PHIP: variants seen among roughly 807,000 people sequenced by gnomAD.
PHIP encodes the protein PHIP subunit of CUL4-Ring ligase complex.
Under a neutral mutation model 236.8 loss-of-function variants are expected in PHIP, and 54 were observed. The observed-to-expected ratio is 0.23, with a 90% CI of 0.18 to 0.29. The LOEUF is 0.29. Among genes scored for constraint, PHIP ranks in the 10% least tolerant of loss-of-function variants. The pLI is 1.00. For missense variants in PHIP, 1,370 were observed against 2,190.8 expected (o/e 0.63, Z 7.48); for synonymous variants, 756 against 718.9 (o/e 1.05, Z -0.83).
chr6:79,060,424 T>G, intron 6 of PHIP, 54 bp downstream of exon 6: 1 of 1,245,994 alleles, frequency 8.0e-7, no homozygotes, highest in Non-Finnish European at 1.1e-6. Context: ...CTTTTCATTT[T>G]CAAAAGCTCT....
intron 15 of PHIP, among the ~76,000 whole-genome samples, chr6:79,005,083 C>A (rs1042464016): frequency 6.6e-6 from 1 of 151,444 alleles, no homozygotes; most frequent in African/African-American, 2.4e-5. Context: ...TGGATGGTTA[C>A]AATAATAGAA....
At chr6:78,954,388 G>A (rs1055847784) in intron 35 of PHIP, among the ~76,000 whole-genome samples, 6 of 152,066 alleles carry the variant, frequency 3.9e-5, no homozygotes, top group Admixed American at 1.3e-4. Flanking sequence ...TTACTGGCAT[G>A]AGCCACCGTG....
At chr6:78,945,935 T>C (rs1385130662) in intron 38 of PHIP, 66 bp downstream of exon 38, 22 of 1,158,596 alleles carry the variant, frequency 1.9e-5, no homozygotes, top group African/African-American at 3.1e-5. Context: ...ATATTGCATT[T>C]GGCAAAGTAA....
intron 8 of PHIP, 59 bp from the exon 9 acceptor site, chr6:79,025,678 C>T (rs1771364226): frequency 1.8e-6 from 2 of 1,103,294 alleles, no homozygotes; most frequent in African/African-American, 3.1e-5. Context: ...AAAATAAAAT[C>T]TACTTTTTGC....
In PHIP at chr6:78,955,674, G is replaced by T; in HGVS notation, c.3791C>A (p.Thr1264Asn). 1 of 1,047,620 alleles carries T rather than the reference G, an allele frequency of 9.5e-7. No homozygotes were observed. Among genetic ancestry groups the T allele is most frequent in the Non-Finnish European group, 1.5e-6 (1 of 687,428 alleles). 64.9% of individuals were successfully genotyped at this position (1,047,620 alleles called of 1,614,324 possible). The change falls in exon 33 of 40, where the codon ACT becomes AAT. Residue 1264 changes from threonine (T) to asparagine (N), a missense_variant. Physicochemically the swap from Thr to Asn is moderately conservative, Grantham distance 65. This residue lies in a region of PHIP where 38 missense variants were observed against 27.6 expected (regional missense o/e 1.38). Coordinates refer to ENST00000275034, the MANE Select transcript of PHIP (RefSeq NM_017934.7). ...DLLLHFIKDQTCYNIIPLYNS... is the reference protein window; with the variant it reads ...DLLLHFIKDQNCYNIIPLYNS... Reference sequence around the variant, plus strand: ...ATAAAGTGGAATTATGTTATAACAAGTCTGATCCCTACATAACAAGGAAAT... The same window carrying T: ...ATAAAGTGGAATTATGTTATAACAATTCTGATCCCTACATAACAAGGAAAT...
chr6:79,078,201 G>A lies in PHIP; in HGVS notation c.-133C>T. 8.7e-6 allele frequency: 7 copies of A among 804,216 alleles called. No homozygotes were observed. The highest frequency in any genetic ancestry group is 1.4e-5 in the Non-Finnish European group (7 of 502,702). 49.8% of individuals were successfully genotyped at this position (804,216 alleles called of 1,614,324 possible). A position where few individuals can be genotyped will look rare whatever the true frequency, so the allele number is the denominator to read the frequency against. On this transcript the variant is annotated 5_prime_UTR_variant, in exon 1 of 40. Coordinates refer to ENST00000275034, the MANE Select transcript of PHIP (RefSeq NM_017934.7). ...GCTTCGGCTCCACCATTCAAGCAAC[G>A]GCGGCGGAGGCGGAGGAGGAGGAGG...
chr6:78,985,530 G>A (rs1582169837), intron 21 of PHIP, 102 bp from the exon 22 acceptor site: 1 of 746,942 alleles, frequency 1.3e-6, no homozygotes, highest in Non-Finnish European at 2.4e-6. Flanking sequence ...GTCATATTGG[G>A]ATATTTAAAA....
chr6:79,019,629 C>T (rs1381078473), intron 9 of PHIP, among the ~76,000 whole-genome samples: 1 of 152,056 alleles, frequency 6.6e-6, no homozygotes, highest in East Asian at 1.9e-4. Flanking sequence ...CTTTGACCTA[C>T]TAATGTGATA....
intron 27 of PHIP, 33 bp downstream of exon 27, chr6:78,969,787 AAAAAAAAACCACATC>A: frequency 1.1e-6 from 1 of 873,168 alleles, no homozygotes; most frequent in East Asian, 2.6e-5. Flanking sequence ...ACTTACTAAG[AAAAAAAAACCACATC>A]AAACATCGAT....
intron 7 of PHIP, among the ~76,000 whole-genome samples, chr6:79,033,002 C>T (rs1238950978): frequency 6.6e-6 from 1 of 152,028 alleles, no homozygotes; most frequent in African/African-American, 2.4e-5. Flanking sequence ...TGTATATTTC[C>T]ATCAGGGTTC....
chr6:79,063,116 T>C (rs1339173255), intron 4 of PHIP, among the ~76,000 whole-genome samples: 1 of 152,148 alleles, frequency 6.6e-6, no homozygotes, highest in African/African-American at 2.4e-5. Flanking sequence ...ATGTGCCCTG[T>C]TTTGGGGGTT....
intron 20 of PHIP, among the ~76,000 whole-genome samples, chr6:78,989,416 T>C (rs1191668470): frequency 6.6e-6 from 1 of 152,184 alleles, no homozygotes; most frequent in Non-Finnish European, 1.5e-5. Context: ...AATGAGACTC[T>C]GTCTCCCCAC....
intron 6 of PHIP, among the ~76,000 whole-genome samples, chr6:79,043,961 G>A (rs139640226): frequency 1.7e-3 from 260 of 151,744 alleles, no homozygotes; most frequent in African/African-American, 5.6e-3. Flanking sequence ...ACAGAGCCCA[G>A]TAATTATGCC....
intron 4 of PHIP, among the ~76,000 whole-genome samples, chr6:79,076,541 C>T (rs930707525): frequency 1.3e-5 from 2 of 152,130 alleles, no homozygotes; most frequent in African/African-American, 4.8e-5. Context: ...AAATCCACTT[C>T]TGAAAAGCAA....
chr6:79,057,130 G>A (rs1017747230), intron 6 of PHIP, among the ~76,000 whole-genome samples: 2 of 152,138 alleles, frequency 1.3e-5, no homozygotes, highest in African/African-American at 4.8e-5. Context: ...TGAGATGAAT[G>A]TGAGATATTC....
intron 24 of PHIP, among the ~76,000 whole-genome samples, chr6:78,973,618 G>A (rs1246133740): frequency 8.0e-6 from 1 of 125,758 alleles, no homozygotes; most frequent in African/African-American, 3.1e-5. Flanking sequence ...TCAGTGTGCT[G>A]TATTCAGGAA....
At chr6:79,007,907 G>A (rs1770371967) in intron 15 of PHIP, among the ~76,000 whole-genome samples, 1 of 151,980 alleles carries the variant, frequency 6.6e-6, no homozygotes, top group Admixed American at 6.6e-5. Flanking sequence ...GGAAAAATAT[G>A]TAAACTAGAT....
At chr6:79,073,504 T>C (rs1351790303) in intron 4 of PHIP, among the ~76,000 whole-genome samples, 1 of 152,190 alleles carries the variant, frequency 6.6e-6, no homozygotes, top group Admixed American at 6.5e-5. Flanking sequence ...TAATCAAGTG[T>C]TGAAACTATG....
intron 29 of PHIP, among the ~76,000 whole-genome samples, chr6:78,965,436 T>C (rs551247399): frequency 6.6e-6 from 1 of 152,336 alleles, no homozygotes; most frequent in East Asian, 1.9e-4. Context: ...ATGCACACTT[T>C]CTTGGGTGAA....
Sources: allele counts gnomAD v4.1 joint callset (sites outside exome capture counted in the v4.1 genomes callset), GRCh38; gene constraint gnomAD v4.1.1; regional missense constraint gnomAD v4.1.1; transcripts MANE v1.5; gene names NCBI Gene and HGNC (gene_info 2026-07-23, HGNC 2026-07-21).